Variants in TRIO observed in about 807,000 individuals in gnomAD.
TRIO encodes triple functional domain protein.
Under a neutral mutation model 351.9 loss-of-function variants are expected in TRIO, and 58 were observed. The ratio of observed to expected loss-of-function variants is 0.16; its 90% CI spans 0.13 to 0.21. The LOEUF is 0.21. TRIO is among the 10% of genes least tolerant of loss of function. The probability of loss-of-function intolerance (pLI) is 1.00; values close to 1 mark genes in which losing one functional copy is unlikely to be tolerated. For missense variants in TRIO, 3,201 were observed against 4,027.8 expected (o/e 0.79, Z 5.56); for synonymous variants, 1,758 against 1,595.7 (o/e 1.10, Z -2.42).
intron 8 of TRIO, 72 bp downstream of exon 8, chr5:14,304,664 A>G: frequency 6.5e-7 from 1 of 1,532,846 alleles, no homozygotes; most frequent in Non-Finnish European, 8.7e-7. Flanking sequence ...AAGCTAGAAA[A>G]AAAAAAGTTT....
chr5:14,230,375 T>TGTGTGTGTGTGTGTGTGTGTG (rs1554037769), intron 1 of TRIO, among the ~76,000 whole-genome samples: 1 of 133,682 alleles, frequency 7.5e-6, no homozygotes, highest in African/African-American at 2.7e-5. Context: ...TGTGTGTGTG[T>TGTGTGTGTGTGTGTGTGTGTG]TGGGTGATGA....
At chr5:14,488,305 G>A in intron 48 of TRIO, 45 bp downstream of exon 48, 3 of 1,516,168 alleles carry the variant, frequency 2.0e-6, no homozygotes, top group Non-Finnish European at 2.6e-6. Flanking sequence ...CCCTGCCTCT[G>A]TCCCGCCAGC....
intron 1 of TRIO, among the ~76,000 whole-genome samples, chr5:14,266,235 G>T (rs1005623361): frequency 2.0e-5 from 3 of 152,028 alleles, no homozygotes; most frequent in South Asian, 4.2e-4. Context: ...ATATTTTTTC[G>T]TATTTTAGTA....
chr5:14,239,972 G>A (rs1794028463), intron 1 of TRIO, among the ~76,000 whole-genome samples: 2 of 152,224 alleles, frequency 1.3e-5, no homozygotes, highest in Non-Finnish European at 2.9e-5. Flanking sequence ...TAATTTAGAA[G>A]TTGTTTCAGG....
At chr5:14,468,514 G>A (rs1447270086) in intron 37 of TRIO, among the ~76,000 whole-genome samples, 1 of 152,210 alleles carries the variant, frequency 6.6e-6, no homozygotes, top group African/African-American at 2.4e-5. Flanking sequence ...ATTCTGCCAG[G>A]GAATGCGATC....
At chr5:14,352,552 C>T (rs946400622) in intron 11 of TRIO, among the ~76,000 whole-genome samples, 24 of 152,264 alleles carry the variant, frequency 1.6e-4, no homozygotes, top group African/African-American at 5.5e-4. Context: ...ACAGACTTTC[C>T]TTGAGTGATG....
rs192209962 is a variant in TRIO at position 14,239,534 on chromosome 5, G to T, written c.158-31291G>T. Among the ~76,000 whole-genome samples, 92 of 152,244 alleles carry T rather than the reference G, an allele frequency of 6.0e-4. 1 individual carries two copies. Among genetic ancestry groups the T allele is most frequent in the African/African-American group, 2.1e-3 (87 of 41,552 alleles). ...TTGTATTCACTGGGCACTCCACTGG[G>T]TACTGATTCCCTGTTTGATCCTCGC... On this transcript the variant is annotated intron_variant, in intron 1 of 56. Coordinates refer to ENST00000344204, the MANE Select transcript of TRIO (RefSeq NM_007118.4).
chr5:14,314,042 A>G (rs1457570054), intron 8 of TRIO, among the ~76,000 whole-genome samples: 4 of 152,186 alleles, frequency 2.6e-5, no homozygotes, highest in African/African-American at 9.7e-5. Context: ...TACATTTTCC[A>G]ACAGTAATGC....
chr5:14,266,993 A>G (rs1795719643), intron 1 of TRIO, among the ~76,000 whole-genome samples: 3 of 152,182 alleles, frequency 2.0e-5, no homozygotes, highest in Admixed American at 1.3e-4. Context: ...AGAGTCCATA[A>G]TGGTTGCTGT....
At chr5:14,227,463 AT>A (rs1409181140) in intron 1 of TRIO, among the ~76,000 whole-genome samples, 1 of 152,200 alleles carries the variant, frequency 6.6e-6, no homozygotes, top group Non-Finnish European at 1.5e-5. Flanking sequence ...CATACTGACG[AT>A]CAGTTTTACT....
intron 1 of TRIO, among the ~76,000 whole-genome samples, chr5:14,171,429 G>T (rs1789090843): frequency 6.6e-6 from 1 of 152,174 alleles, no homozygotes; most frequent in Non-Finnish European, 1.5e-5. Flanking sequence ...ATAAGGTAAT[G>T]CTGGCTAACT....
chr5:14,356,504 G>A lies in TRIO; in HGVS notation c.2047-1674G>A, dbSNP rs1335062216. 2.0e-5 allele frequency among the ~76,000 whole-genome samples: 3 copies of A among 152,194 alleles called. No homozygotes were observed. In the East Asian group the frequency reaches 5.8e-4, roughly 29 times the overall value. On this transcript the variant is annotated intron_variant, in intron 11 of 56. Transcript: ENST00000344204. ...TTATTGGTGAGGAAGTGGAGGAATTGAAACTCTCATACGCTGCTGGTGGGA... is the reference window on the plus strand; with the variant it reads ...TTATTGGTGAGGAAGTGGAGGAATTAAAACTCTCATACGCTGCTGGTGGGA...
intron 1 of TRIO, among the ~76,000 whole-genome samples, chr5:14,235,975 T>A (rs544814635): frequency 5.3e-5 from 8 of 152,272 alleles, no homozygotes; most frequent in African/African-American, 1.9e-4. Flanking sequence ...CCTATAAAAC[T>A]GTACATTTTC....
At chr5:14,223,855 A>G (rs1792808984) in intron 1 of TRIO, among the ~76,000 whole-genome samples, 1 of 152,188 alleles carries the variant, frequency 6.6e-6, no homozygotes, top group South Asian at 2.1e-4. Context: ...ATAGAGGTAC[A>G]TATTGTCTTA....
At chr5:14,165,869 C>T (rs903615950) in intron 1 of TRIO, among the ~76,000 whole-genome samples, 1 of 152,224 alleles carries the variant, frequency 6.6e-6, no homozygotes, top group African/African-American at 2.4e-5. Context: ...GCCAACCATC[C>T]TGGGATGGTA....
intron 11 of TRIO, among the ~76,000 whole-genome samples, chr5:14,339,603 C>A (rs80322508): frequency 2.6e-5 from 4 of 152,096 alleles, no homozygotes; most frequent in African/African-American, 9.7e-5. Context: ...GTGCACGTCA[C>A]GTAACCTGGG....
intron 26 of TRIO, chr5:14,390,620 G>T (rs947947446): frequency 1.7e-5 from 9 of 532,532 alleles, no homozygotes; most frequent in South Asian, 1.7e-4. Flanking sequence ...ACAGGTGAAC[G>T]TGCGGTCATG....
intron 1 of TRIO, among the ~76,000 whole-genome samples, chr5:14,188,188 G>A (rs1374318637): frequency 6.6e-6 from 1 of 152,206 alleles, no homozygotes; most frequent in Non-Finnish European, 1.5e-5. Flanking sequence ...ACTTGTTGGA[G>A]TTCTGGGCTG....
intron 27 of TRIO, among the ~76,000 whole-genome samples, chr5:14,391,307 AT>A (rs1398570988): frequency 4.2e-4 from 64 of 152,258 alleles, no homozygotes; most frequent in African/African-American, 1.5e-3. Context: ...TATTCAATAC[AT>A]TTTTTCACCT....
Sources: gnomAD v4.1 joint callset for allele counts (sites outside exome capture counted in the v4.1 genomes callset) on GRCh38, gnomAD v4.1.1 for gene constraint, MANE v1.5 for transcripts, NCBI Gene and HGNC (gene_info 2026-07-23, HGNC 2026-07-21) for gene names.